The following MINDY4B variants were observed in gnomAD, a reference collection of about 807,000 sequenced individuals.
MINDY4B encodes the protein inactive ubiquitin carboxyl-terminal hydrolase MINDY-4B.
Under a neutral mutation model 16.7 loss-of-function variants are expected in MINDY4B, and 25 were observed. The observed-to-expected ratio is 1.49, with a 90% CI of 1.09 to 2.09. MINDY4B has a LOEUF of 2.09. MINDY4B is among the 30% of genes most tolerant of loss of function. The probability of loss-of-function intolerance (pLI) is 0.00; values close to 1 mark genes in which losing one functional copy is unlikely to be tolerated. For synonymous variants in MINDY4B, 132 were observed against 61.9 expected (o/e 2.13, Z -5.32); for missense variants, 327 against 168.4 (o/e 1.94, Z -5.21).
At chr3:150,903,135 A>G (rs909819409) in intron 3 of MINDY4B, 114 bp downstream of exon 3, 10 of 396,938 alleles carry the variant, frequency 2.5e-5, no homozygotes, top group Non-Finnish European at 3.1e-5. Flanking sequence ...AATAACAACC[A>G]TCTGTAGTCT....
chr3:150,891,812 T>C (rs1262321480), intron 5 of MINDY4B, among the ~76,000 whole-genome samples: 1 of 128,186 alleles, frequency 7.8e-6, no homozygotes, highest in Non-Finnish European at 1.6e-5. Flanking sequence ...TCCAAAACCA[T>C]ATGGCAAGAT....
chr3:150,883,610 A>T (rs1195032993), intron 9 of MINDY4B, 90 bp downstream of exon 9: 1 of 660,970 alleles, frequency 1.5e-6, no homozygotes, highest in Non-Finnish European at 2.7e-6. Flanking sequence ...CAAAATTCAG[A>T]TTGCTTTTCT....
At chr3:150,891,377 A>G (rs138480421) in intron 5 of MINDY4B, among the ~76,000 whole-genome samples, 763 of 152,310 alleles carry the variant, frequency 5.0e-3, no homozygotes, top group Non-Finnish European at 8.3e-3. Context: ...ATTGAGAACT[A>G]TAGTCTTTAT....
rs139335158 is a variant in MINDY4B, at chr3:150,898,284, T to G, written c.310-3979A>C. ...GCAATAAGAGAGGAAAAGCTGTGTA[T>G]AAATGTGGAAGATTAAGACCGTTGA... On this transcript the variant is annotated intron_variant, in intron 3 of 11. Transcript: ENST00000465419. 1.5e-4 allele frequency among the ~76,000 whole-genome samples: 23 copies of G among 152,320 alleles called. 2 individuals are homozygous for G. The highest frequency in any genetic ancestry group is 1.2e-3 in the Admixed American group (18 of 15,302).
intron 7 of MINDY4B, among the ~76,000 whole-genome samples, chr3:150,888,580 C>A (rs1008018484): frequency 6.6e-6 from 1 of 152,140 alleles, no homozygotes; most frequent in African/African-American, 2.4e-5. Context: ...GGATGGGGTG[C>A]TGATCACAAT....
chr3:150,894,779 T>C (rs796259526), intron 3 of MINDY4B, among the ~76,000 whole-genome samples: 2 of 152,116 alleles, frequency 1.3e-5, no homozygotes, highest in African/African-American at 4.8e-5. Flanking sequence ...CCCAGAAAAA[T>C]GGGAACAAGA....
chr3:150,890,913 C>G (rs1711783609), intron 6 of MINDY4B, 25 bp downstream of exon 6: 1 of 698,658 alleles, frequency 1.4e-6, no homozygotes. Flanking sequence ...CTTTCATCTG[C>G]CAGGACAGGG....
intron 10 of MINDY4B, among the ~76,000 whole-genome samples, chr3:150,877,269 A>G (rs1467219608): frequency 6.6e-6 from 1 of 152,122 alleles, no homozygotes; most frequent in Non-Finnish European, 1.5e-5. Context: ...TTAGGTTTTT[A>G]TCATCAGTAC....
chr3:150,882,564 G>GTATATATA lies in MINDY4B; in HGVS notation c.1059+325_1059+332dup, dbSNP rs59302082. Among the ~76,000 whole-genome samples, 147 of 148,090 alleles carry GTATATATA rather than the reference G, an allele frequency of 9.9e-4. 1 individual carries two copies. The East Asian group carries it at 0.019, about 19-fold the overall frequency. ...TTTTCCTTTGTGTATGTGTATGTGT[G>GTATATATA]TATATATATATATATATATATATAT... On this transcript the variant is annotated intron_variant, in intron 10 of 11. Transcript: ENST00000465419.
intron 3 of MINDY4B, 59 bp downstream of exon 3, chr3:150,903,190 C>T: frequency 2.5e-6 from 1 of 398,174 alleles, no homozygotes. Context: ...GATTCCCCAG[C>T]CTTGTTGTTT....
At chr3:150,895,711 G>T (rs1053944055) in intron 3 of MINDY4B, among the ~76,000 whole-genome samples, 1 of 152,022 alleles carries the variant, frequency 6.6e-6, no homozygotes, top group Admixed American at 6.6e-5. Flanking sequence ...GTGATCTGCC[G>T]GTCTTGGCCT....
At chr3:150,882,542 T>C (rs894116392) in intron 10 of MINDY4B, among the ~76,000 whole-genome samples, 8 of 150,944 alleles carry the variant, frequency 5.3e-5, no homozygotes, top group Non-Finnish European at 1.0e-4. Context: ...AGAGGACTTT[T>C]CCTTTGTGTA....
chr3:150,887,836 C>T (rs991422006), intron 7 of MINDY4B, among the ~76,000 whole-genome samples: 14 of 152,032 alleles, frequency 9.2e-5, no homozygotes, highest in South Asian at 2.1e-4. Flanking sequence ...TTGCCAGGCG[C>T]GGTGGCTCAC....
rs73019271 is a variant in MINDY4B at position 150,877,093 on chromosome 3, T to C, written c.1060-3726A>G. 2.8e-3 allele frequency among the ~76,000 whole-genome samples: 427 copies of C among 152,212 alleles called. 3 individuals carry two copies. Among genetic ancestry groups the C allele is most frequent in the African/African-American group, 9.9e-3 (413 of 41,542 alleles). On this transcript the variant is annotated intron_variant, in intron 10 of 11. Coordinates refer to ENST00000465419, the MANE Select transcript of MINDY4B (RefSeq NM_001351281.2). ...ACCCACTGGGCTGTGACATTGGGACTGAAAGGCACATGTTTTTGCAATCTC... is the reference window on the plus strand; with the variant it reads ...ACCCACTGGGCTGTGACATTGGGACCGAAAGGCACATGTTTTTGCAATCTC...
intron 3 of MINDY4B, among the ~76,000 whole-genome samples, chr3:150,902,440 T>TG (rs1226953387): frequency 6.6e-6 from 1 of 152,204 alleles, no homozygotes. Flanking sequence ...AGGGCTACAC[T>TG]GGAGGGCAAT....
At chr3:150,890,809 T>A (rs1711779886) in intron 6 of MINDY4B, 129 bp downstream of exon 6, 4 of 604,466 alleles carry the variant, frequency 6.6e-6, no homozygotes, top group Non-Finnish European at 1.2e-5. Flanking sequence ...GGTACCTGCC[T>A]CTTTGGAAGG....
At chr3:150,883,842 C>T in intron 8 of MINDY4B, 70 bp from the exon 9 acceptor site, 1 of 691,726 alleles carries the variant, frequency 1.4e-6, no homozygotes, top group Non-Finnish European at 2.6e-6. Context: ...CTTCTTTTCC[C>T]CCAAAACACA....
chr3:150,902,869 C>T (rs1348663586), intron 3 of MINDY4B, among the ~76,000 whole-genome samples: 1 of 152,188 alleles, frequency 6.6e-6, no homozygotes, highest in Non-Finnish European at 1.5e-5. Flanking sequence ...TGCATGCATA[C>T]AGGTGGGGTA....
In MINDY4B at chr3:150,873,325, A is replaced by T; in HGVS notation, c.1102T>A (p.Cys368Ser). ...ATGCTGTAATTTCCATTGATGTTGCACAGCCAAATAGGTAATTTGGGAGTC... is the reference window on the plus strand; with the variant it reads ...ATGCTGTAATTTCCATTGATGTTGCTCAGCCAAATAGGTAATTTGGGAGTC... ...LKTPKLPIWL[C>S]NINGNYSILF... Residue 368 changes from cysteine (C) to serine (S), a missense_variant, in exon 11 of 12, where the codon TGC becomes AGC. By Grantham distance (112) the Cys-to-Ser change is moderately radical (BLOSUM62 -1). Transcript: ENST00000465419. The T allele has an allele frequency of 1.4e-6, 1 of 702,856 alleles. No individual in the cohort carries two copies. Among genetic ancestry groups the T allele is most frequent in the Non-Finnish European group, 2.6e-6 (1 of 384,838 alleles). The allele number at this position is 702,856 out of a possible 1,614,324, so 43.5% of individuals were successfully genotyped here.
Sources: allele counts gnomAD v4.1 joint callset (sites outside exome capture counted in the v4.1 genomes callset), GRCh38; gene constraint gnomAD v4.1.1; transcripts MANE v1.5; gene names NCBI Gene and HGNC (gene_info 2026-07-23, HGNC 2026-07-21).